Variants in CTNNA2 observed in about 807,000 individuals in gnomAD.
The protein encoded by CTNNA2 is catenin alpha-2.
A neutral mutation model predicts 101.0 loss-of-function variants in CTNNA2; 42 were observed. That is an observed-to-expected ratio of 0.42 (90% CI 0.32 to 0.54). The LOEUF is 0.54. Ranked by LOEUF, CTNNA2 falls within the 20% of genes least tolerant of loss-of-function variation. CTNNA2 has a pLI of 0.14. For missense variants in CTNNA2, 871 were observed against 1,223.1 expected, an observed-to-expected ratio of 0.71 and a Z score of 4.29; for synonymous variants, 450 against 456.4, an observed-to-expected ratio of 0.99 and a Z score of 0.18.
rs374282698 is a variant in CTNNA2 at position 80,434,050 on chromosome 2, AAG to A, written c.1290+14452_1290+14453del. Among the ~76,000 whole-genome samples, 78 of 152,350 alleles carry A rather than the reference AAG, an allele frequency of 5.1e-4. No homozygotes were observed. In the East Asian group the frequency reaches 0.015, roughly 29 times the overall value. ...AATAAATGACTGCCTCAGAATTCTG[AAG>A]AGTTTCTCACGGTCAAAAAATACTA... On this transcript the variant is annotated intron_variant, in intron 9 of 18. Coordinates refer to ENST00000402739, the MANE Select transcript of CTNNA2 (RefSeq NM_001282597.3).
At chr2:79,654,006 C>A (rs1239893254) in intron 2 of CTNNA2, among the ~76,000 whole-genome samples, 1 of 152,116 alleles carries the variant, frequency 6.6e-6, no homozygotes, top group Admixed American at 6.6e-5. Context: ...TTTCTACCAA[C>A]GTCTATTTAT....
intron 7 of CTNNA2, among the ~76,000 whole-genome samples, chr2:80,284,984 C>T (rs79874068): frequency 6.6e-6 from 1 of 152,068 alleles, no homozygotes; most frequent in African/African-American, 2.4e-5. Flanking sequence ...AGTGTTTGTT[C>T]ATTGCAAGAA....
intron 1 of CTNNA2, among the ~76,000 whole-genome samples, chr2:79,532,172 ACAGT>A (rs1015268163): frequency 6.6e-6 from 1 of 152,086 alleles, no homozygotes. Context: ...TTTTTTAAAA[ACAGT>A]CAGGATTAAT....
intron 7 of CTNNA2, among the ~76,000 whole-genome samples, chr2:80,372,709 T>A (rs920361027): frequency 2.0e-5 from 3 of 151,742 alleles, no homozygotes; most frequent in Non-Finnish European, 2.9e-5. Context: ...TTGAGCCACG[T>A]TACTTCTCAG....
At chr2:79,799,702 A>T (rs1676009333) in intron 3 of CTNNA2, among the ~76,000 whole-genome samples, 1 of 152,208 alleles carries the variant, frequency 6.6e-6, no homozygotes, top group Non-Finnish European at 1.5e-5. Context: ...GCATCACTGA[A>T]CTGAAAGGAG....
chr2:79,447,696 G>A (rs907426903), intron 4 of CTNNA2, among the ~76,000 whole-genome samples: 1 of 152,022 alleles, frequency 6.6e-6, no homozygotes. Context: ...TGAAAAGGGA[G>A]CATGAGCCCT....
intron 7 of CTNNA2, among the ~76,000 whole-genome samples, chr2:80,277,449 A>G (rs1026256538): frequency 4.6e-5 from 7 of 151,412 alleles, no homozygotes; most frequent in African/African-American, 1.5e-4. Context: ...GAAGCTACCT[A>G]TGAATCCCAC....
At chr2:80,461,615 G>T (rs185247846) in intron 9 of CTNNA2, among the ~76,000 whole-genome samples, 105 of 152,082 alleles carry the variant, frequency 6.9e-4, no homozygotes, top group Non-Finnish European at 1.2e-3. Context: ...ATTCAGTGGT[G>T]CAATAAATGT....
chr2:80,154,796 T>A (rs912970972), intron 7 of CTNNA2, among the ~76,000 whole-genome samples: 1 of 152,194 alleles, frequency 6.6e-6, no homozygotes, highest in African/African-American at 2.4e-5. Flanking sequence ...CCACCTTTAA[T>A]AACAGCCATT....
intron 7 of CTNNA2, among the ~76,000 whole-genome samples, chr2:80,333,501 G>C (rs75795263): frequency 6.6e-6 from 1 of 152,186 alleles, no homozygotes; most frequent in Admixed American, 6.5e-5. Context: ...TGACACATTC[G>C]TATAAGAGGA....
At chr2:80,576,964 A>G (rs913863199) in intron 13 of CTNNA2, among the ~76,000 whole-genome samples, 1 of 152,010 alleles carries the variant, frequency 6.6e-6, no homozygotes, top group African/African-American at 2.4e-5. Flanking sequence ...ATTGCCAGAT[A>G]TTTTAAAATT....
chr2:80,449,394 A>T (rs1159322055), intron 9 of CTNNA2, among the ~76,000 whole-genome samples: 2 of 152,248 alleles, frequency 1.3e-5, no homozygotes, highest in African/African-American at 4.8e-5. Flanking sequence ...TTGCAAAAAC[A>T]TTAGAAAATG....
chr2:79,930,264 AAGAAAGAAAGAAAG>A (rs59353251), intron 7 of CTNNA2, among the ~76,000 whole-genome samples: 70,427 of 127,450 alleles, frequency 0.55, 20,216 homozygotes, highest in East Asian at 0.63. Context: ...GAAAGAAAGA[AAGAAAGAAAGAAAG>A]AGAGAGAGAG....
chr2:79,798,416 A>C (rs557263396), intron 3 of CTNNA2, among the ~76,000 whole-genome samples: 1 of 152,190 alleles, frequency 6.6e-6, no homozygotes, highest in Non-Finnish European at 1.5e-5. Context: ...TAACAGTATA[A>C]TAAGATATTT....
chr2:79,636,148 T>C (rs1332840469), intron 1 of CTNNA2, among the ~76,000 whole-genome samples: 1 of 148,452 alleles, frequency 6.7e-6, no homozygotes, highest in Non-Finnish European at 1.5e-5. Flanking sequence ...CGGGCACCTG[T>C]AGTCCCAGCT....
chr2:79,837,135 A>G (rs933943281), intron 3 of CTNNA2, among the ~76,000 whole-genome samples: 1 of 152,226 alleles, frequency 6.6e-6, no homozygotes, highest in Non-Finnish European at 1.5e-5. Flanking sequence ...ATGTATGTGC[A>G]GGAGTTTATT....
At chr2:79,425,513 A>G (rs1275988297) in intron 4 of CTNNA2, among the ~76,000 whole-genome samples, 1 of 152,134 alleles carries the variant, frequency 6.6e-6, no homozygotes, top group Non-Finnish European at 1.5e-5. Context: ...GAGGGTGGAA[A>G]TGCTATGTCC....
chr2:79,195,506 C>T (rs1673947787), intron 1 of CTNNA2, among the ~76,000 whole-genome samples: 1 of 152,194 alleles, frequency 6.6e-6, no homozygotes, highest in South Asian at 2.1e-4. Context: ...CACCCTCCCA[C>T]CAGATCATCC....
At chr2:80,224,476 G>A (rs540153269) in intron 7 of CTNNA2, among the ~76,000 whole-genome samples, 7 of 151,992 alleles carry the variant, frequency 4.6e-5, no homozygotes, top group African/African-American at 9.7e-5. Flanking sequence ...ATGGAGTGTC[G>A]CTCTGTCGCC....
Sources: gnomAD v4.1 joint callset for allele counts (sites outside exome capture counted in the v4.1 genomes callset) on GRCh38, gnomAD v4.1.1 for gene constraint, MANE v1.5 for transcripts, NCBI Gene and HGNC (gene_info 2026-07-23, HGNC 2026-07-21) for gene names.